Variants in BCL11B observed in about 807,000 individuals in gnomAD.
BCL11B encodes BCL11 transcription factor B.
In BCL11B, 8 loss-of-function variants were observed where a neutral mutation model predicts 49.9. The ratio of observed to expected loss-of-function variants is 0.16; its 90% CI spans 0.09 to 0.29. The LOEUF (loss-of-function observed/expected upper bound fraction) is 0.29. Among genes scored for constraint, BCL11B ranks in the 10% least tolerant of loss-of-function variants. The pLI is 1.00. For missense variants in BCL11B, 1,006 were observed against 1,351.0 expected (o/e 0.74, Z 4.00); for synonymous variants, 739 against 637.4 (o/e 1.16, Z -2.40).
intron 2 of BCL11B, among the ~76,000 whole-genome samples, chr14:99,238,869 G>A (rs1454873564): frequency 6.6e-6 from 1 of 152,114 alleles, no homozygotes; most frequent in Non-Finnish European, 1.5e-5. Flanking sequence ...CCAAATTGGG[G>A]CCCACCATCC....
Position 99,194,608 on chromosome 14 carries a change from G to A in BCL11B, c.641-18413C>T, listed in dbSNP as rs1887127967. On this transcript the variant is annotated intron_variant, in intron 3 of 3. Coordinates refer to ENST00000357195, the MANE Select transcript of BCL11B (RefSeq NM_138576.4). The surrounding 1 kb of genome is among the most constrained non-coding windows in gnomAD (Gnocchi z 4.6). Reference sequence around the variant, plus strand: ...AACTTCTCTGAATCTGTCCTTCGGTGTGAAAGGCCTTGTCTGCAAAATGGC... The same window carrying A: ...AACTTCTCTGAATCTGTCCTTCGGTATGAAAGGCCTTGTCTGCAAAATGGC... Among the ~76,000 whole-genome samples, 1 of 152,230 alleles carries A rather than the reference G, an allele frequency of 6.6e-6. No individual in the cohort carries two copies. Among genetic ancestry groups the A allele is most frequent in the Non-Finnish European group, 1.5e-5 (1 of 68,038 alleles).
At chr14:99,200,842 G>A (rs11160502) in intron 3 of BCL11B, among the ~76,000 whole-genome samples, 47,867 of 152,178 alleles carry the variant, frequency 0.31, 9,029 homozygotes, top group Non-Finnish European at 0.43. Flanking sequence ...GCCCTCCCCC[G>A]AGGCCTGGCA....
At chr14:99,267,414 G>C (rs1208120033) in intron 1 of BCL11B, among the ~76,000 whole-genome samples, 1 of 152,096 alleles carries the variant, frequency 6.6e-6, no homozygotes, top group Non-Finnish European at 1.5e-5. Flanking sequence ...AATTACAAAT[G>C]AATAAAATCA....
intron 3 of BCL11B, among the ~76,000 whole-genome samples, chr14:99,223,653 C>T (rs1020082128): frequency 3.3e-5 from 5 of 152,230 alleles, no homozygotes; most frequent in African/African-American, 4.8e-5. Flanking sequence ...ACATAACATG[C>T]GGTTATGGAC....
Position 99,170,018 on chromosome 14 carries a change from A to T in BCL11B, c.*4133T>A, listed in dbSNP as rs1322846739. The stretch of plus-strand genomic sequence containing the variant: ...GTTGGTTTTTTAAACACAAAACAGA[A>T]GCAAAATTCTCTCTTCTCTGCAGTC... On this transcript the variant is annotated 3_prime_UTR_variant, in exon 4 of 4. Coordinates refer to ENST00000357195, the MANE Select transcript of BCL11B (RefSeq NM_138576.4). 3 of 228,022 alleles carry T rather than the reference A, an allele frequency of 1.3e-5. No individual in the cohort carries two copies. Among genetic ancestry groups the T allele is most frequent in the Admixed American group, 5.7e-5 (1 of 17,592 alleles). 14.1% of individuals were successfully genotyped at this position (228,022 alleles called of 1,614,324 possible).
At chr14:99,198,738 AG>A (rs1204200453) in intron 3 of BCL11B, among the ~76,000 whole-genome samples, 2 of 152,188 alleles carry the variant, frequency 1.3e-5, no homozygotes, top group Non-Finnish European at 2.9e-5. Flanking sequence ...TGCACTCACC[AG>A]AACAGCCCCA....
At chr14:99,245,999 C>G (rs1384344027) in intron 2 of BCL11B, among the ~76,000 whole-genome samples, 2 of 152,136 alleles carry the variant, frequency 1.3e-5, no homozygotes, top group Non-Finnish European at 2.9e-5. Context: ...CAGAGTGCTC[C>G]GAGGAAGCCT....
intron 3 of BCL11B, among the ~76,000 whole-genome samples, chr14:99,219,067 G>T (rs1887936358): frequency 6.7e-6 from 1 of 150,332 alleles, no homozygotes; most frequent in East Asian, 1.9e-4. Context: ...TTGAGACAGG[G>T]TCTCACTGTG....
intron 3 of BCL11B, among the ~76,000 whole-genome samples, chr14:99,211,050 A>G (rs1209298805): frequency 6.6e-6 from 1 of 152,152 alleles, no homozygotes; most frequent in Non-Finnish European, 1.5e-5. Context: ...CAGCTCCCCT[A>G]GCTGAGGCCT....
At chr14:99,220,756 A>G (rs1887983928) in intron 3 of BCL11B, among the ~76,000 whole-genome samples, 1 of 152,258 alleles carries the variant, frequency 6.6e-6, no homozygotes, top group Non-Finnish European at 1.5e-5. Context: ...CCACAATTAA[A>G]AAAACTCACA....
intron 3 of BCL11B, among the ~76,000 whole-genome samples, chr14:99,196,359 G>A (rs1887179245): frequency 6.6e-6 from 1 of 152,070 alleles, no homozygotes; most frequent in Non-Finnish European, 1.5e-5. Flanking sequence ...GATACCTTCT[G>A]TGGACCTGAA....
rs1165246643 is a variant in BCL11B at position 99,262,752 on chromosome 14, G to A, written c.59-4913C>T. Among the ~76,000 whole-genome samples, 1 of 151,942 alleles carries A rather than the reference G, an allele frequency of 6.6e-6. No homozygotes were observed. The highest frequency in any genetic ancestry group is 1.5e-5 in the Non-Finnish European group (1 of 68,002). On this transcript the variant is annotated intron_variant, in intron 1 of 3. Transcript: ENST00000357195. This position sits in a 1 kb window ranked among gnomAD's most constrained non-coding sequence, Gnocchi z 4.2. ...TTGGGGAGGGGCTGGGACTCCAGGC[G>A]ACACGGAAACGCCACCACACGCACA...
intron 3 of BCL11B, among the ~76,000 whole-genome samples, chr14:99,193,028 G>A (rs1403631946): frequency 6.6e-6 from 1 of 152,162 alleles, no homozygotes; most frequent in Non-Finnish European, 1.5e-5. Context: ...AAGATGAGAT[G>A]GGACCGCTCA....
chr14:99,215,798 T>G (rs1367304387), intron 3 of BCL11B, among the ~76,000 whole-genome samples: 18 of 152,234 alleles, frequency 1.2e-4, no homozygotes, highest in Non-Finnish European at 2.4e-4. Context: ...CACTTTGCAC[T>G]TGACTTTTAG....
At chr14:99,181,483 C>G (rs1298721974) in intron 3 of BCL11B, among the ~76,000 whole-genome samples, 1 of 152,232 alleles carries the variant, frequency 6.6e-6, no homozygotes, top group Non-Finnish European at 1.5e-5. Flanking sequence ...AACCCCTGAG[C>G]AGGGCTCCAG....
At chr14:99,187,046 C>A (rs142975585) in intron 3 of BCL11B, among the ~76,000 whole-genome samples, 40 of 152,282 alleles carry the variant, frequency 2.6e-4, no homozygotes, top group African/African-American at 8.9e-4. Context: ...GTCGGTGGAA[C>A]AGGGAAGTAT....
chr14:99,182,575 A>G (rs1886738870), intron 3 of BCL11B, among the ~76,000 whole-genome samples: 1 of 152,228 alleles, frequency 6.6e-6, no homozygotes, highest in Non-Finnish European at 1.5e-5. Flanking sequence ...GGCAAAAATA[A>G]TAGATGCCAT....
In BCL11B at chr14:99,171,429, T is replaced by G. The variant is rs1033081139; in HGVS notation, c.*2722A>C. 9.4e-6 allele frequency: 2 copies of G among 212,522 alleles called. No individual in the cohort carries two copies. The highest frequency in any genetic ancestry group is 4.5e-5 in the African/African-American group (2 of 44,102). 13.2% of individuals were successfully genotyped at this position (212,522 alleles called of 1,614,324 possible). ...CCTGTTTGTTTTTGTTTTTTTTTTCTTTTTATTTCCAAATTCACTAACAAA... is the reference window on the plus strand; with the variant it reads ...CCTGTTTGTTTTTGTTTTTTTTTTCGTTTTATTTCCAAATTCACTAACAAA... On this transcript the variant is annotated 3_prime_UTR_variant, in exon 4 of 4. Coordinates refer to ENST00000357195, the MANE Select transcript of BCL11B (RefSeq NM_138576.4).
At position 99,174,519 on chromosome 14, in the gene BCL11B, C is replaced by T. The variant is rs1160277604; in HGVS notation, c.2317G>A (p.Gly773Arg). ...CCGCCCAGGTGCGGGGTGCTGCCTC[C>T]GCTGGCCGTGCCGCTGCGGCCCGAG... is the stretch of plus-strand genomic sequence containing the variant. ...GLSGRSGTAS[G>R]GSTPHLGGPG... The change falls in exon 4 of 4, where the codon GGA (glycine) becomes AGA (arginine). Residue 773 changes from glycine to arginine, a missense_variant. Transcript: ENST00000357195. 3 of 1,528,984 alleles carry T rather than the reference C, an allele frequency of 2.0e-6. No homozygotes were observed. Among genetic ancestry groups the T allele is most frequent in the East Asian group, 2.5e-5 (1 of 39,362 alleles). 94.7% of individuals were successfully genotyped at this position (1,528,984 alleles called of 1,614,324 possible). A position where few individuals can be genotyped will look rare whatever the true frequency, so the allele number is the denominator to read the frequency against.
Sources: gnomAD v4.1 joint callset for allele counts (sites outside exome capture counted in the v4.1 genomes callset) on GRCh38, gnomAD v4.1.1 for gene constraint, Gnocchi (gnomAD v3.1) non-coding constraint, MANE v1.5 for transcripts, NCBI Gene and HGNC (gene_info 2026-07-23, HGNC 2026-07-21) for gene names.